Variants in ASRGL1 observed in about 807,000 individuals in gnomAD.
The protein encoded by ASRGL1 is isoaspartyl peptidase/L-asparaginase.
A neutral mutation model predicts 22.4 loss-of-function variants in ASRGL1; 16 were observed. The observed-to-expected ratio is 0.71, with a 90% confidence interval of 0.48 to 1.08. The LOEUF (loss-of-function observed/expected upper bound fraction) is 1.08, where lower values mean the gene tolerates loss of function less well. Ranked by LOEUF, ASRGL1 falls within the 50% of genes least tolerant of loss-of-function variation. The pLI is 0.00. For missense variants in ASRGL1, 412 were observed against 410.1 expected (o/e 1.00, Z -0.04); for synonymous variants, 165 against 159.3 (o/e 1.04, Z -0.27).
chr11:62,379,151 T>C (rs1036669596), intron 4 of ASRGL1, among the ~76,000 whole-genome samples: 4 of 152,204 alleles, frequency 2.6e-5, no homozygotes, highest in African/African-American at 9.7e-5. Context: ...TTCTTGATTA[T>C]CCGGCCCTAA....
At chr11:62,382,483 C>T (rs547956005) in intron 4 of ASRGL1, 1 of 152,130 alleles carries the variant, frequency 6.6e-6, no homozygotes, top group African/African-American at 2.4e-5. Context: ...TAGCACCTCT[C>T]ACCTCCAGCC....
chr11:62,371,605 G>C (rs1407378033), intron 4 of ASRGL1: 1 of 669,602 alleles, frequency 1.5e-6, no homozygotes, highest in Admixed American at 1.8e-5. Context: ...AAAGTGCAAA[G>C]GGGAGCTTTT....
Position 62,372,235 on chromosome 11 carries a change from G to C in ASRGL1, c.491+15091G>C, listed in dbSNP as rs1001274665. 33 of 1,389,458 alleles carry C rather than the reference G, an allele frequency of 2.4e-5. No individual in the cohort carries two copies. In the African/African-American group the frequency reaches 4.4e-4, roughly 19 times the overall value. 86.1% of individuals were successfully genotyped at this position (1,389,458 alleles called of 1,614,324 possible). A position where few individuals can be genotyped will look rare whatever the true frequency, so the allele number is the denominator to read the frequency against. ...GCCACGAAGTGATTGTGTGCAGCGT[G>C]TGCGCGGAACCACACCTTGGCCTTG... On this transcript the variant is annotated intron_variant, in intron 4 of 6. Coordinates refer to ENST00000415229, the MANE Select transcript of ASRGL1 (RefSeq NM_001083926.2).
At chr11:62,399,875 C>T in the ASRGL1 span, among the ~76,000 whole-genome samples, 2 of 152,188 alleles carry the variant, frequency 1.3e-5, no homozygotes, top group Non-Finnish European at 2.9e-5. Flanking sequence ...GGCTTTTGAG[C>T]CCATCTCAGC....
chr11:62,380,045 A>G (rs1331176134), intron 4 of ASRGL1, among the ~76,000 whole-genome samples: 1 of 152,068 alleles, frequency 6.6e-6, no homozygotes, highest in Non-Finnish European at 1.5e-5. Flanking sequence ...TCTTTTTTAG[A>G]TGACCAATTT....
At position 62,392,110 on chromosome 11, in the gene ASRGL1, G is replaced by T; in HGVS notation, c.753G>T (p.Ser251=). Residue 251 remains serine (S), a synonymous_variant, in exon 7 of 7, where the codon TCG becomes TCT. Coordinates refer to ENST00000415229, the MANE Select transcript of ASRGL1 (RefSeq NM_001083926.2). ...GKTVEEAADL[S]LGYMKSRVKG... is the part of the protein sequence containing the mutation. ...CGGTAGAAGAGGCTGCGGACCTATCGTTGGGTTATATGAAGTCAAGGGTTA... is the reference window on the plus strand; with the variant it reads ...CGGTAGAAGAGGCTGCGGACCTATCTTTGGGTTATATGAAGTCAAGGGTTA... 6.2e-7 allele frequency: 1 copy of T among 1,614,200 alleles called. No homozygotes were observed. Among genetic ancestry groups the T allele is most frequent in the Non-Finnish European group, 8.5e-7 (1 of 1,180,040 alleles).
intron 2 of ASRGL1, among the ~76,000 whole-genome samples, chr11:62,353,088 C>G (rs1271799305): frequency 6.6e-6 from 1 of 152,086 alleles, no homozygotes; most frequent in East Asian, 1.9e-4. Flanking sequence ...TATGGTCCCA[C>G]TGGTTGGCTG....
chr11:62,358,371 G>GAAAAAAAA (rs34743439), intron 4 of ASRGL1, among the ~76,000 whole-genome samples: 1 of 111,840 alleles, frequency 8.9e-6, no homozygotes, highest in South Asian at 3.2e-4. Flanking sequence ...CTCCGTCTCA[G>GAAAAAAAA]AAAAAAAAAA....
intron 4 of ASRGL1, chr11:62,371,364 C>T: frequency 1.2e-6 from 1 of 803,662 alleles, no homozygotes; most frequent in Non-Finnish European, 1.9e-6. Flanking sequence ...TGGCAGCAGG[C>T]AAGGTGGGCG....
chr11:62,397,093 G>C (rs113441331), downstream of ASRGL1, among the ~76,000 whole-genome samples: 3,244 of 152,170 alleles, frequency 0.021, 128 homozygotes, highest in African/African-American at 0.073. Context: ...GCAGTGGCGC[G>C]ATCTTGGCTC....
intron 2 of ASRGL1, among the ~76,000 whole-genome samples, chr11:62,338,915 AC>A (rs1945796629): frequency 7.5e-6 from 1 of 133,952 alleles, no homozygotes; most frequent in South Asian, 2.6e-4. Context: ...AGCCTGGGCG[AC>A]AGAGCGAGAC....
At chr11:62,391,169 G>C (rs1055239724) in intron 5 of ASRGL1, among the ~76,000 whole-genome samples, 1 of 152,234 alleles carries the variant, frequency 6.6e-6, no homozygotes, top group African/African-American at 2.4e-5. Context: ...ATGCAGTCAT[G>C]CTGTTTCTTC....
chr11:62,354,390 TG>T (rs1238989867), intron 2 of ASRGL1, among the ~76,000 whole-genome samples: 1 of 152,334 alleles, frequency 6.6e-6, no homozygotes, highest in African/African-American at 2.4e-5. Flanking sequence ...TTATATCGGC[TG>T]GTTTTTTTTT....
At chr11:62,360,962 G>A (rs990843444) in intron 4 of ASRGL1, among the ~76,000 whole-genome samples, 35 of 152,090 alleles carry the variant, frequency 2.3e-4, no homozygotes, top group African/African-American at 8.0e-4. Flanking sequence ...TCATGACACC[G>A]TCAGTACAGT....
Position 62,392,465 on chromosome 11 carries a change from T to A in ASRGL1, c.*181T>A. On this transcript the variant is annotated 3_prime_UTR_variant, in exon 7 of 7. Coordinates refer to ENST00000415229, the MANE Select transcript of ASRGL1 (RefSeq NM_001083926.2). ...GCGGGTTCTGAAGCGATGAGAGAAA[T>A]GCCCGTATTAGGAGGATTACTTGAG... 2 of 704,442 alleles carry A rather than the reference T, an allele frequency of 2.8e-6. No individual in the cohort carries two copies. Among genetic ancestry groups the A allele is most frequent in the Non-Finnish European group, 4.7e-6 (2 of 426,040 alleles). The allele number at this position is 704,442 out of a possible 1,614,324, so 43.6% of individuals were successfully genotyped here.
In ASRGL1 at chr11:62,379,918, TAGAATTCTAA is replaced by T. The variant is rs1166807313; in HGVS notation, c.492-9214_492-9205del. 9.7e-3 allele frequency among the ~76,000 whole-genome samples: 1,478 copies of T among 152,294 alleles called. 31 individuals are homozygous for T. The highest frequency in any genetic ancestry group is 0.031 in the African/African-American group (1,287 of 41,538). On this transcript the variant is annotated intron_variant, in intron 4 of 6. Transcript: ENST00000415229. Reference sequence around the variant, plus strand: ...CATTTCTATCAAATTTAGAATTTGATAGAATTCTAATAGTGTTTTTCTTTTTTACATCTTG... The same window carrying T: ...CATTTCTATCAAATTTAGAATTTGATTAGTGTTTTTCTTTTTTACATCTTG...
At chr11:62,385,720 C>T (rs1565174298) in intron 4 of ASRGL1, among the ~76,000 whole-genome samples, 1 of 151,578 alleles carries the variant, frequency 6.6e-6, no homozygotes. Context: ...CAAAATTAGT[C>T]GGGCATGGTG....
chr11:62,375,431 T>C (rs1946891177), intron 4 of ASRGL1, among the ~76,000 whole-genome samples: 1 of 4,388 alleles, frequency 2.3e-4, no homozygotes, highest in Non-Finnish European at 5.3e-4. Context: ...TCTTACTTTA[T>C]ATATATATAT....
At chr11:62,349,338 CCTAAATGTCT>C (rs1320452210) in intron 2 of ASRGL1, among the ~76,000 whole-genome samples, 1 of 152,132 alleles carries the variant, frequency 6.6e-6, no homozygotes, top group East Asian at 1.9e-4. Context: ...TTAACTATAG[CCTAAATGTCT>C]CTCAAAGTTA....
Sources: gnomAD v4.1 joint callset for allele counts (sites outside exome capture counted in the v4.1 genomes callset) on GRCh38, gnomAD v4.1.1 for gene constraint, MANE v1.5 for transcripts, NCBI Gene and HGNC (gene_info 2026-07-23, HGNC 2026-07-21) for gene names.